Variants in GRID1 observed in about 807,000 individuals in gnomAD.
The protein encoded by GRID1 is glutamate receptor ionotropic, delta-1.
GRID1 carries 28 observed loss-of-function variants against 98.0 expected under a neutral mutation model. The observed-to-expected ratio is 0.29, with a 90% CI of 0.21 to 0.39. The LOEUF is 0.39. GRID1 is among the 10% of genes least tolerant of loss of function. The pLI, the probability that GRID1 is intolerant of heterozygous loss-of-function variation, is 1.00. For synonymous variants in GRID1, 553 were observed against 538.5 expected (o/e 1.03, Z -0.37); for missense variants, 1,111 against 1,340.5 (o/e 0.83, Z 2.67).
At chr10:85,771,542 G>A (rs953282414) in intron 8 of GRID1, among the ~76,000 whole-genome samples, 36 of 152,116 alleles carry the variant, frequency 2.4e-4, no homozygotes, top group African/African-American at 8.7e-4. Flanking sequence ...TGGATAAAGA[G>A]TCAAGACCCA....
At chr10:85,615,070 T>A (rs1330993528) in intron 14 of GRID1, among the ~76,000 whole-genome samples, 1 of 152,234 alleles carries the variant, frequency 6.6e-6, no homozygotes, top group African/African-American at 2.4e-5. Context: ...TGGACAGTTG[T>A]GTGATCTCTA....
At chr10:85,856,482 A>G (rs189857403) in intron 6 of GRID1, among the ~76,000 whole-genome samples, 1 of 152,206 alleles carries the variant, frequency 6.6e-6, no homozygotes, top group Non-Finnish European at 1.5e-5. Context: ...CAGGTAAGTT[A>G]CCTACTCAGG....
chr10:85,951,742 G>C (rs986436207), intron 4 of GRID1, among the ~76,000 whole-genome samples: 1 of 152,108 alleles, frequency 6.6e-6, no homozygotes, highest in Admixed American at 6.5e-5. Flanking sequence ...CGCTGGCCCT[G>C]CCCCAGGGCC....
intron 3 of GRID1, among the ~76,000 whole-genome samples, chr10:86,177,659 G>C (rs1845595221): frequency 6.6e-6 from 1 of 151,300 alleles, no homozygotes; most frequent in African/African-American, 2.4e-5. Flanking sequence ...GTGTGTGTGA[G>C]AGACAGAGAT....
At chr10:85,734,155 T>A (rs1348122026) in intron 8 of GRID1, among the ~76,000 whole-genome samples, 1 of 152,096 alleles carries the variant, frequency 6.6e-6, no homozygotes, top group Non-Finnish European at 1.5e-5. Flanking sequence ...GGGTGCTTTA[T>A]CTCCTAGAGG....
At chr10:85,713,920 T>TAGGA (rs1340182428) in intron 12 of GRID1, among the ~76,000 whole-genome samples, 14 of 151,948 alleles carry the variant, frequency 9.2e-5, no homozygotes, top group Non-Finnish European at 2.1e-4. Context: ...GCTAAAAGCA[T>TAGGA]TTCCTGCAAG....
chr10:86,242,333 T>G (rs1231441647), intron 2 of GRID1, among the ~76,000 whole-genome samples: 1 of 152,132 alleles, frequency 6.6e-6, no homozygotes, highest in Non-Finnish European at 1.5e-5. Flanking sequence ...CACAAGTTGC[T>G]GATGAGGGTA....
Position 85,729,512 on chromosome 10 carries a change from C to A in GRID1, c.1335+1G>T. 1.3e-6 allele frequency: 2 copies of A among 1,582,074 alleles called. No individual in the cohort carries two copies. Among genetic ancestry groups the A allele is most frequent in the Non-Finnish European group, 1.7e-6 (2 of 1,151,608 alleles). On this transcript the variant is annotated splice_donor_variant, in intron 9 of 15. Coordinates refer to ENST00000327946, the MANE Select transcript of GRID1 (RefSeq NM_017551.3). LOFTEE classifies it high-confidence loss of function. Reference sequence around the variant, plus strand: ...CTCCCAGAATGTCCCCATGATCCTACCAAGACAGTCACCACTTTAAGAGTC... The same window carrying A: ...CTCCCAGAATGTCCCCATGATCCTAACAAGACAGTCACCACTTTAAGAGTC...
At chr10:86,072,177 G>A (rs1208851795) in intron 4 of GRID1, among the ~76,000 whole-genome samples, 1 of 152,122 alleles carries the variant, frequency 6.6e-6, no homozygotes, top group Non-Finnish European at 1.5e-5. Flanking sequence ...AACAAGGTAA[G>A]TTTTATATTT....
At chr10:86,308,595 T>C (rs927143001) in intron 2 of GRID1, among the ~76,000 whole-genome samples, 1 of 152,318 alleles carries the variant, frequency 6.6e-6, no homozygotes, top group Non-Finnish European at 1.5e-5. Context: ...ATGGGAAGTA[T>C]GTTAAATACA....
intron 13 of GRID1, among the ~76,000 whole-genome samples, chr10:85,635,782 G>C (rs994608308): frequency 6.6e-6 from 1 of 152,212 alleles, no homozygotes; most frequent in Non-Finnish European, 1.5e-5. Flanking sequence ...CTCAGGAGAC[G>C]TTAATGCTTC....
At chr10:86,250,718 T>G (rs1186922286) in intron 2 of GRID1, among the ~76,000 whole-genome samples, 1 of 151,206 alleles carries the variant, frequency 6.6e-6, no homozygotes, top group Non-Finnish European at 1.5e-5. Context: ...CCGCCCCGTC[T>G]GGGAGGTGGG....
intron 4 of GRID1, among the ~76,000 whole-genome samples, chr10:86,006,478 C>T (rs952149864): frequency 3.3e-5 from 5 of 152,078 alleles, no homozygotes; most frequent in African/African-American, 7.2e-5. Flanking sequence ...ATTAGCTGAG[C>T]GTGGTGGCGG....
chr10:85,724,717 C>T (rs1203383818), intron 10 of GRID1, 41 bp from the exon 11 acceptor site: 8 of 1,541,332 alleles, frequency 5.2e-6, no homozygotes, highest in Non-Finnish European at 7.1e-6. Flanking sequence ...CAGTCCTCAG[C>T]TTACTGCTGG....
At chr10:86,095,191 T>C (rs955633032) in intron 4 of GRID1, among the ~76,000 whole-genome samples, 1 of 152,160 alleles carries the variant, frequency 6.6e-6, no homozygotes, top group Admixed American at 6.5e-5. Context: ...TATCACCTTA[T>C]ACAAAAATCA....
rs577558971 is a variant in GRID1, at chr10:85,724,566, G to A, written c.1644C>T (p.Pro548=). ...DYSVGILIKK[P]EEKISIFSLF... is the part of the protein sequence containing the mutation. ...GGGAGAAGATGCTGATTTTCTCCTCGGGCTTCTTAATTAGAATCCCCACTG... is the reference window on the plus strand; with the variant it reads ...GGGAGAAGATGCTGATTTTCTCCTCAGGCTTCTTAATTAGAATCCCCACTG... The change falls in exon 11 of 16, where the codon CCC becomes CCT. Residue 548 remains proline (P), a synonymous_variant. Transcript: ENST00000327946. 2.6e-4 allele frequency: 418 copies of A among 1,613,416 alleles called. 1 individual carries two copies. In the South Asian group the frequency reaches 2.9e-3, roughly 11 times the overall value.
At chr10:85,670,237 A>G (rs1439701486) in intron 12 of GRID1, among the ~76,000 whole-genome samples, 7 of 152,186 alleles carry the variant, frequency 4.6e-5, no homozygotes, top group Non-Finnish European at 8.8e-5. Context: ...CCATCTTCAG[A>G]AAACAGAGCT....
chr10:85,777,135 C>A (rs1215275112), intron 8 of GRID1, among the ~76,000 whole-genome samples: 3 of 152,186 alleles, frequency 2.0e-5, no homozygotes, highest in Non-Finnish European at 2.9e-5. Flanking sequence ...TACAGCTGGG[C>A]ACCTTCTCCT....
At chr10:85,793,188 C>T (rs1842496731) in intron 8 of GRID1, among the ~76,000 whole-genome samples, 1 of 152,196 alleles carries the variant, frequency 6.6e-6, no homozygotes, top group African/African-American at 2.4e-5. Flanking sequence ...AAATCCACTG[C>T]CTCAACCAGA....
Sources: allele counts gnomAD v4.1 joint callset (sites outside exome capture counted in the v4.1 genomes callset), GRCh38; gene constraint gnomAD v4.1.1; transcripts MANE v1.5; gene names NCBI Gene and HGNC (gene_info 2026-07-23, HGNC 2026-07-21).